Variants in ATP13A3 observed in about 807,000 individuals in gnomAD.
ATP13A3 encodes ATPase 13A3.
A neutral mutation model predicts 158.1 loss-of-function variants in ATP13A3; 59 were observed. The ratio of observed to expected loss-of-function variants is 0.37; its 90% confidence interval spans 0.30 to 0.46. ATP13A3 has a LOEUF of 0.46. Among genes scored for constraint, ATP13A3 ranks in the 20% least tolerant of loss-of-function variants. ATP13A3 has a pLI of 1.00. For missense variants in ATP13A3, 1,166 were observed against 1,525.2 expected, an observed-to-expected ratio of 0.76 and a Z score of 3.92; for synonymous variants, 491 against 504.3, an observed-to-expected ratio of 0.97 and a Z score of 0.35.
upstream of ATP13A3, among the ~76,000 whole-genome samples, chr3:194,489,618 C>T (rs1020240323): frequency 4.6e-5 from 7 of 152,154 alleles, no homozygotes; most frequent in East Asian, 7.7e-4. The surrounding 1 kb of genome is among the most constrained non-coding windows in gnomAD (Gnocchi z 4.1). Context: ...AACCTGTCAA[C>T]GCGTTCGGGC....
chr3:194,456,843 G>A (rs1017099782), intron 7 of ATP13A3, among the ~76,000 whole-genome samples: 2 of 152,034 alleles, frequency 1.3e-5, no homozygotes, highest in Admixed American at 6.5e-5. Context: ...GTGGAAAAAC[G>A]TGCACCTGGG....
Position 194,402,965 on chromosome 3 carries a change from A to G in ATP13A3, c.*2954T>C, listed in dbSNP as rs1029797869. ...ATTTTAATACATTAAAAATGTGTAAATGCCCACAGACTGTACAAAAATTAA... is the reference window on the plus strand; with the variant it reads ...ATTTTAATACATTAAAAATGTGTAAGTGCCCACAGACTGTACAAAAATTAA... On this transcript the variant is annotated 3_prime_UTR_variant, in exon 34 of 34. Transcript: ENST00000645319. 7.2e-5 allele frequency: 11 copies of G among 152,228 alleles called. No individual in the cohort carries two copies. The highest frequency in any genetic ancestry group is 1.6e-4 in the Non-Finnish European group (11 of 68,036). The allele number at this position is 152,228 out of a possible 1,614,324, so 9.4% of individuals were successfully genotyped here. A position where few individuals can be genotyped will look rare whatever the true frequency, so the allele number is the denominator to read the frequency against.
chr3:194,469,320 T>C (rs955710936), intron 2 of ATP13A3, among the ~76,000 whole-genome samples: 1 of 151,858 alleles, frequency 6.6e-6, no homozygotes. Context: ...TAGGCAGGTG[T>C]GGTGGTGCAT....
intron 28 of ATP13A3, among the ~76,000 whole-genome samples, chr3:194,428,255 A>G (rs1271944753): frequency 1.3e-5 from 2 of 151,318 alleles, no homozygotes; most frequent in Non-Finnish European, 2.9e-5. Context: ...AGAAATTTCT[A>G]TTTTTCCCTT....
chr3:194,449,793 ATCTT>A lies in ATP13A3; in HGVS notation c.970+348_970+351del, dbSNP rs1718679347. Among the ~76,000 whole-genome samples, 7 of 152,280 alleles carry A rather than the reference ATCTT, an allele frequency of 4.6e-5. No homozygotes were observed. The South Asian group carries it at 1.4e-3, about 32-fold the overall frequency. ...CTCCTCAGTTCAAGAAAAATATAAA[ATCTT>A]TCTTTATTCCCACTTTTTACACATC... On this transcript the variant is annotated intron_variant, in intron 11 of 33. Coordinates refer to ENST00000645319, the MANE Select transcript of ATP13A3 (RefSeq NM_001367549.1).
chr3:194,477,852 G>A (rs1577094117), intron 2 of ATP13A3, among the ~76,000 whole-genome samples: 1 of 152,106 alleles, frequency 6.6e-6, no homozygotes, highest in East Asian at 1.9e-4. Context: ...ACAGAGCTGG[G>A]GCAGACACTA....
At chr3:194,461,013 ATATTT>A (rs1271702022) in intron 3 of ATP13A3, among the ~76,000 whole-genome samples, 182 bp from the exon 4 acceptor site, 7 of 152,166 alleles carry the variant, frequency 4.6e-5, no homozygotes, top group African/African-American at 1.7e-4. Flanking sequence ...ACTGTCAGTT[ATATTT>A]TAAGTAAATT....
intron 2 of ATP13A3, among the ~76,000 whole-genome samples, chr3:194,493,779 C>T (rs1238397604): frequency 6.6e-6 from 1 of 152,124 alleles, no homozygotes; most frequent in African/African-American, 2.4e-5. Context: ...TGAATACTTT[C>T]ATATGTTATC....
intron 2 of ATP13A3, among the ~76,000 whole-genome samples, chr3:194,473,947 T>C (rs1720419583): frequency 6.6e-6 from 1 of 152,230 alleles, no homozygotes; most frequent in Admixed American, 6.5e-5. Flanking sequence ...TGTGGATATG[T>C]GTTTTTAAAA....
chr3:194,405,826 A>G lies in ATP13A3; in HGVS notation c.*93T>C. The G allele has an allele frequency of 7.5e-7, 1 of 1,338,172 alleles. No homozygotes were observed. The highest frequency in any genetic ancestry group is 1.7e-5 in the Admixed American group (1 of 57,386). The allele number at this position is 1,338,172 out of a possible 1,614,324, so 82.9% of individuals were successfully genotyped here. The stretch of plus-strand genomic sequence containing the variant: ...CTATATCAGAAGGGACATAAACTGA[A>G]CTAGTGCCATTCTGACACACAGGAT... On this transcript the variant is annotated 3_prime_UTR_variant, in exon 34 of 34. Transcript: ENST00000645319.
chr3:194,409,693 A>ATTTTTTTTTTTTTTTTTTTTTTTT lies in ATP13A3; in HGVS notation c.3573+2482_3573+2505dup, dbSNP rs71179358. ...TGCTTGATAATCACTGACGTAAAGA[A>ATTTTTTTTTTTTTTTTTTTTTTTT]TTTTTTTTTTTTTTTTTTTTTTTTT... On this transcript the variant is annotated intron_variant, in intron 33 of 33. Transcript: ENST00000645319. 3.0e-4 allele frequency among the ~76,000 whole-genome samples: 28 copies of ATTTTTTTTTTTTTTTTTTTTTTTT among 93,986 alleles called. 7 individuals carry two copies. The highest frequency in any genetic ancestry group is 1.1e-3 in the African/African-American group (22 of 20,344). The allele number at this position is 93,986 out of a possible 152,430, so 61.7% of individuals were successfully genotyped here.
At chr3:194,413,311 T>C (rs1268947568) in intron 32 of ATP13A3, among the ~76,000 whole-genome samples, 1 of 152,238 alleles carries the variant, frequency 6.6e-6, no homozygotes, top group African/African-American at 2.4e-5. Context: ...TATTATTTTA[T>C]ACTTTCATTA....
intron 15 of ATP13A3, among the ~76,000 whole-genome samples, chr3:194,442,442 GT>G (rs1414854793): frequency 6.6e-6 from 1 of 152,032 alleles, no homozygotes; most frequent in Non-Finnish European, 1.5e-5. Flanking sequence ...CAATTCCTAT[GT>G]TTAAAATAAA....
At chr3:194,431,049 A>T (rs776348489) in intron 23 of ATP13A3, 27 bp from the exon 24 acceptor site, 5 of 1,613,482 alleles carry the variant, frequency 3.1e-6, no homozygotes, top group South Asian at 1.1e-5. Flanking sequence ...AAATTTTTTT[A>T]AAATACTGTT....
chr3:194,441,214 A>G lies in ATP13A3; in HGVS notation c.1710+97T>C. 2.9e-6 allele frequency: 3 copies of G among 1,023,960 alleles called. No homozygotes were observed. The South Asian group carries it at 5.1e-5, about 17-fold the overall frequency. 63.4% of individuals were successfully genotyped at this position (1,023,960 alleles called of 1,614,324 possible). On this transcript the variant is annotated intron_variant, in intron 16 of 33. Transcript: ENST00000645319. ...CTTTTAGGGTACAAGATAGACTGTC[A>G]TTAAAACAAAAAGCAGAAATAATCC...
At chr3:194,466,742 T>G (rs983420403) in intron 2 of ATP13A3, among the ~76,000 whole-genome samples, 8 of 152,272 alleles carry the variant, frequency 5.3e-5, no homozygotes, top group Admixed American at 5.2e-4. Context: ...TCTCAGCTAC[T>G]CAGGAGGCTG....
intron 2 of ATP13A3, among the ~76,000 whole-genome samples, chr3:194,466,280 G>T (rs1279980459): frequency 3.3e-5 from 5 of 151,952 alleles, no homozygotes; most frequent in African/African-American, 1.2e-4. Flanking sequence ...ACAGAAAGAG[G>T]AAACGTCACT....
At chr3:194,472,133 T>C (rs564613625) in intron 2 of ATP13A3, 1 of 153,608 alleles carries the variant, frequency 6.5e-6, no homozygotes, top group East Asian at 1.9e-4. Context: ...AGTTCTTCAG[T>C]CTCCTTTTCG....
At chr3:194,424,236 A>C (rs1716598331) in intron 30 of ATP13A3, among the ~76,000 whole-genome samples, 1 of 151,568 alleles carries the variant, frequency 6.6e-6, no homozygotes, top group African/African-American at 2.4e-5. Flanking sequence ...TTAAAATAAT[A>C]GTTATTTTTT....
Sources: gnomAD v4.1 joint callset for allele counts (sites outside exome capture counted in the v4.1 genomes callset) on GRCh38, gnomAD v4.1.1 for gene constraint, Gnocchi (gnomAD v3.1) non-coding constraint, MANE v1.5 for transcripts, NCBI Gene and HGNC (gene_info 2026-07-23, HGNC 2026-07-21) for gene names.